KCNT2: variants seen among roughly 807,000 people sequenced by gnomAD.
The protein encoded by KCNT2 is potassium channel subfamily T member 2.
A neutral mutation model predicts 153.8 loss-of-function variants in KCNT2; 67 were observed. The observed-to-expected ratio is 0.44, with a 90% CI of 0.36 to 0.53. KCNT2 has a LOEUF of 0.53. KCNT2 is among the 20% of genes least tolerant of loss of function. The pLI is 0.00. For missense variants in KCNT2, 975 were observed against 1,354.8 expected (o/e 0.72, Z 4.40); for synonymous variants, 500 against 458.8 (o/e 1.09, Z -1.15).
At chr1:196,492,945 A>G (rs1348439104) in intron 1 of KCNT2, among the ~76,000 whole-genome samples, 1 of 152,178 alleles carries the variant, frequency 6.6e-6, no homozygotes, top group African/African-American at 2.4e-5. Flanking sequence ...GTTACCACAG[A>G]TAGATTATAA....
At chr1:196,283,249 G>A (rs1007934997) in intron 23 of KCNT2, among the ~76,000 whole-genome samples, 3 of 152,126 alleles carry the variant, frequency 2.0e-5, no homozygotes, top group African/African-American at 7.2e-5. Flanking sequence ...AGACCAGCAT[G>A]GCTAACACGG....
chr1:196,342,027 T>C (rs1056826169), intron 15 of KCNT2, 52 bp downstream of exon 15: 1 of 1,557,962 alleles, frequency 6.4e-7, no homozygotes, highest in South Asian at 1.2e-5. Flanking sequence ...TATTTTCACA[T>C]GATATGCTTG....
chr1:196,397,243 A>T (rs1413188578), intron 13 of KCNT2, among the ~76,000 whole-genome samples: 1 of 151,430 alleles, frequency 6.6e-6, no homozygotes, highest in East Asian at 1.9e-4. Context: ...ATAGCAAGTC[A>T]TCACCATATA....
At chr1:196,248,841 T>C (rs985910549) in intron 26 of KCNT2, among the ~76,000 whole-genome samples, 2 of 151,946 alleles carry the variant, frequency 1.3e-5, no homozygotes, top group Non-Finnish European at 2.9e-5. Context: ...TAAAGATACA[T>C]CGACAAAGAA....
chr1:196,537,983 C>T (rs1421696027), intron 1 of KCNT2, among the ~76,000 whole-genome samples: 1 of 152,158 alleles, frequency 6.6e-6, no homozygotes, highest in African/African-American at 2.4e-5. Flanking sequence ...CCTGAAGGTC[C>T]CCATTCATGG....
At chr1:196,416,491 G>A (rs771863133) in intron 12 of KCNT2, among the ~76,000 whole-genome samples, 23 of 152,014 alleles carry the variant, frequency 1.5e-4, no homozygotes, top group Non-Finnish European at 2.5e-4. Context: ...AGTATTCCCC[G>A]TGGATAAGGG....
intron 1 of KCNT2, among the ~76,000 whole-genome samples, chr1:196,591,263 C>T (rs190722993): frequency 3.3e-5 from 5 of 152,142 alleles, no homozygotes; most frequent in African/African-American, 1.2e-4. Context: ...ATGAGACATT[C>T]GAGCTCCCCT....
chr1:196,453,893 T>C (rs1676432051), intron 8 of KCNT2, among the ~76,000 whole-genome samples: 1 of 152,032 alleles, frequency 6.6e-6, no homozygotes, highest in African/African-American at 2.4e-5. Context: ...TCTCTATCTT[T>C]AGCCCCCTAG....
chr1:196,499,880 A>G (rs1004599902), intron 1 of KCNT2, among the ~76,000 whole-genome samples: 8 of 152,160 alleles, frequency 5.3e-5, no homozygotes, highest in Non-Finnish European at 1.2e-4. Context: ...GTGGTGGCTC[A>G]TGTCTGTAAT....
At chr1:196,409,551 A>T (rs1672113787) in intron 12 of KCNT2, among the ~76,000 whole-genome samples, 1 of 151,642 alleles carries the variant, frequency 6.6e-6, no homozygotes, top group Admixed American at 6.6e-5. Context: ...ATTTACCAAC[A>T]TATTTATCAT....
At chr1:196,590,458 G>A (rs549449331) in intron 1 of KCNT2, among the ~76,000 whole-genome samples, 22 of 152,270 alleles carry the variant, frequency 1.4e-4, no homozygotes, top group Admixed American at 1.2e-3. Flanking sequence ...TCACTGCAAT[G>A]GAGGACGGGT....
chr1:196,485,393 T>C (rs574046753), intron 3 of KCNT2, among the ~76,000 whole-genome samples: 1 of 152,150 alleles, frequency 6.6e-6, no homozygotes, highest in Non-Finnish European at 1.5e-5. Context: ...GTGAAATTAA[T>C]ACTTTCCTAA....
At chr1:196,369,737 T>C (rs2148316135) in intron 14 of KCNT2, among the ~76,000 whole-genome samples, 1 of 152,282 alleles carries the variant, frequency 6.6e-6, no homozygotes, top group South Asian at 2.1e-4. Flanking sequence ...GTTGGACATT[T>C]GGGTTGGTTC....
At chr1:196,328,868 A>T (rs2148083964) in intron 18 of KCNT2, among the ~76,000 whole-genome samples, 1 of 152,228 alleles carries the variant, frequency 6.6e-6, no homozygotes, top group African/African-American at 2.4e-5. Context: ...GTAACAAACA[A>T]GGGCAACAAG....
chr1:196,297,037 A>G (rs1366264231), intron 22 of KCNT2, among the ~76,000 whole-genome samples: 1 of 152,046 alleles, frequency 6.6e-6, no homozygotes, highest in African/African-American at 2.4e-5. Flanking sequence ...CCTAGATGAT[A>G]CTTTCTTTTT....
chr1:196,280,038 A>G (rs1658946243), intron 25 of KCNT2, among the ~76,000 whole-genome samples: 1 of 152,142 alleles, frequency 6.6e-6, no homozygotes, highest in African/African-American at 2.4e-5. Context: ...TTTCTTTTTA[A>G]TTTGTAATAA....
At chr1:196,401,136 G>A (rs1167889876) in intron 12 of KCNT2, among the ~76,000 whole-genome samples, 1 of 151,826 alleles carries the variant, frequency 6.6e-6, no homozygotes, top group East Asian at 1.9e-4. Flanking sequence ...AACAATCTGA[G>A]CTGACATTTG....
At chr1:196,274,293 T>A (rs374231033) in intron 25 of KCNT2, among the ~76,000 whole-genome samples, 1 of 151,788 alleles carries the variant, frequency 6.6e-6, no homozygotes. Context: ...TCAAGTATAT[T>A]ATTTGATGTA....
At chr1:196,314,565 T>C (rs564729688) in intron 21 of KCNT2, among the ~76,000 whole-genome samples, 10 of 151,864 alleles carry the variant, frequency 6.6e-5, no homozygotes, top group African/African-American at 1.9e-4. Context: ...GAGGTTCTTA[T>C]GCAAATTCAG....
Sources: allele counts gnomAD v4.1 joint callset (sites outside exome capture counted in the v4.1 genomes callset), GRCh38; gene constraint gnomAD v4.1.1; transcripts MANE v1.5; gene names NCBI Gene and HGNC (gene_info 2026-07-23, HGNC 2026-07-21).